ROBO1: variants seen among roughly 807,000 people sequenced by gnomAD.
ROBO1 encodes the protein roundabout homolog 1.
In ROBO1, 149 loss-of-function variants were observed where a neutral mutation model predicts 195.9. That is an observed-to-expected ratio of 0.76 (90% CI 0.67 to 0.87). The LOEUF (loss-of-function observed/expected upper bound fraction) is 0.87, where lower values mean the gene tolerates loss of function less well. Ranked by LOEUF, ROBO1 falls within the 40% of genes least tolerant of loss-of-function variation. The probability of loss-of-function intolerance (pLI) is 0.00; values close to 1 mark genes in which losing one functional copy is unlikely to be tolerated. For missense variants in ROBO1, 1,933 were observed against 2,068.3 expected (o/e 0.93, Z 1.27); for synonymous variants, 816 against 733.2 (o/e 1.11, Z -1.82).
intron 28 of ROBO1, among the ~76,000 whole-genome samples, chr3:78,608,201 G>A (rs1342047328): frequency 1.3e-5 from 2 of 151,978 alleles, no homozygotes; most frequent in East Asian, 1.9e-4. Flanking sequence ...TGCAGCCTCT[G>A]TCTCCCATCA....
chr3:79,278,635 A>T (rs1353978947), intron 2 of ROBO1, among the ~76,000 whole-genome samples: 1 of 152,188 alleles, frequency 6.6e-6, no homozygotes, highest in African/African-American at 2.4e-5. Context: ...CTGAACATTC[A>T]TATGCAGAAG....
chr3:79,445,714 T>A (rs982467005), intron 2 of ROBO1, among the ~76,000 whole-genome samples: 1 of 148,122 alleles, frequency 6.8e-6, no homozygotes. Flanking sequence ...CAGGCTGGAG[T>A]GCAGTGGCGC....
intron 2 of ROBO1, among the ~76,000 whole-genome samples, chr3:79,188,530 AC>A (rs2081481850): frequency 1.3e-5 from 2 of 151,838 alleles, no homozygotes; most frequent in Admixed American, 6.6e-5. Flanking sequence ...TTGGATGTAT[AC>A]ATGCACCTTT....
chr3:79,563,111 A>G (rs1337372024), intron 2 of ROBO1, among the ~76,000 whole-genome samples: 1 of 152,056 alleles, frequency 6.6e-6, no homozygotes, highest in African/African-American at 2.4e-5. Flanking sequence ...TCAAAGCATA[A>G]TCATCTATGA....
intron 1 of ROBO1, among the ~76,000 whole-genome samples, chr3:79,673,302 C>G (rs1316144221): frequency 6.6e-6 from 1 of 151,844 alleles, no homozygotes; most frequent in Non-Finnish European, 1.5e-5. Context: ...GAGGGTAAAA[C>G]ATGAATGTTT....
intron 10 of ROBO1, 29 bp downstream of exon 10, chr3:78,685,716 CA>C: frequency 1.3e-6 from 2 of 1,520,134 alleles, no homozygotes; most frequent in Non-Finnish European, 1.8e-6. Flanking sequence ...CAAACTTGGA[CA>C]TTTTGAAATA....
In ROBO1 at chr3:79,548,337, G is replaced by C. The variant is rs575100851; in HGVS notation, c.88+41487C>G. On this transcript the variant is annotated intron_variant, in intron 2 of 30. Transcript: ENST00000464233. Reference sequence around the variant, plus strand: ...AATGCTATGTTGAGTAACTATAAGAGGGAAGCATCCCACTCTTCAATCATT... The same window carrying C: ...AATGCTATGTTGAGTAACTATAAGACGGAAGCATCCCACTCTTCAATCATT... Among the ~76,000 whole-genome samples, 33 of 152,276 alleles carry C rather than the reference G, an allele frequency of 2.2e-4. 1 individual carries two copies. In the South Asian group the frequency reaches 6.8e-3, roughly 32 times the overall value.
chr3:78,711,373 TCCTTCCTTCCTTCCTTCCTTCCTTCC>T (rs1559773157), intron 8 of ROBO1, among the ~76,000 whole-genome samples: 6 of 26,204 alleles, frequency 2.3e-4, no homozygotes, highest in Non-Finnish European at 5.1e-4. Flanking sequence ...CTTCCTTCCT[TCCTTCCTTCCTTCCTTCCTTCCTTCC>T]TTTCTTTCTT....
chr3:79,644,156 T>C (rs755086761), intron 1 of ROBO1, among the ~76,000 whole-genome samples: 5 of 151,924 alleles, frequency 3.3e-5, no homozygotes, highest in Non-Finnish European at 7.4e-5. Context: ...TAAGAGGAAA[T>C]AAGAATTCTA....
chr3:79,573,664 C>T (rs1471158588), intron 2 of ROBO1, among the ~76,000 whole-genome samples: 1 of 152,046 alleles, frequency 6.6e-6, no homozygotes, highest in Non-Finnish European at 1.5e-5. Context: ...TGACAAATTA[C>T]CAACACATTC....
rs140033930 is a variant in ROBO1, at chr3:79,608,150, G to A, written c.-50-18189C>T. Among the ~76,000 whole-genome samples, 401 of 152,032 alleles carry A rather than the reference G, an allele frequency of 2.6e-3. 1 individual carries two copies. The highest frequency in any genetic ancestry group is 6.8e-3 in the Admixed American group (104 of 15,238). ...GTTACATGCATGTGCTTACAAGTTC[G>A]TCGTATGGAAATTTGGGTTATATTT... On this transcript the variant is annotated intron_variant, in intron 1 of 30. Coordinates refer to ENST00000464233, the MANE Select transcript of ROBO1 (RefSeq NM_002941.4).
chr3:79,176,713 G>GC (rs999151025), intron 2 of ROBO1, among the ~76,000 whole-genome samples: 23 of 152,198 alleles, frequency 1.5e-4, no homozygotes, highest in South Asian at 4.1e-4. Flanking sequence ...CCCCAGCTCG[G>GC]CCCCCCAAAG....
rs114221336 is a variant in ROBO1, at chr3:79,653,431, C to A, written c.-50-63470G>T. Among the ~76,000 whole-genome samples the A allele has an allele frequency of 7.1e-3, 1,081 of 151,848 alleles. 13 individuals carry two copies. Among genetic ancestry groups the A allele is most frequent in the African/African-American group, 0.025 (1,024 of 41,460 alleles). On this transcript the variant is annotated intron_variant, in intron 1 of 30. Coordinates refer to ENST00000464233, the MANE Select transcript of ROBO1 (RefSeq NM_002941.4). The stretch of plus-strand genomic sequence containing the variant: ...TCTCATATTTCACTGCCTTTTACTT[C>A]GAATAATAAAATGTTAATTTGTATT...
At chr3:78,777,389 T>C (rs1001718447) in intron 4 of ROBO1, among the ~76,000 whole-genome samples, 6 of 152,002 alleles carry the variant, frequency 3.9e-5, no homozygotes, top group African/African-American at 1.4e-4. Flanking sequence ...AAGTATGGGC[T>C]CATGAAGATG....
intron 2 of ROBO1, among the ~76,000 whole-genome samples, chr3:79,588,943 C>A (rs1022696780): frequency 6.6e-6 from 1 of 151,718 alleles, no homozygotes; most frequent in Non-Finnish European, 1.5e-5. Flanking sequence ...TTTTTGAAAT[C>A]TTTGATTTTG....
intron 2 of ROBO1, among the ~76,000 whole-genome samples, chr3:79,354,089 G>A (rs1403729501): frequency 6.6e-6 from 1 of 151,946 alleles, no homozygotes; most frequent in Non-Finnish European, 1.5e-5. Flanking sequence ...AGTTTAGGAA[G>A]GGCACTATAC....
At chr3:78,982,786 G>A (rs781392025) in intron 3 of ROBO1, among the ~76,000 whole-genome samples, 2 of 151,828 alleles carry the variant, frequency 1.3e-5, no homozygotes, top group Non-Finnish European at 2.9e-5. Flanking sequence ...GCACCAACAC[G>A]CCCAGCTAAT....
At chr3:79,354,452 A>G (rs1201202502) in intron 2 of ROBO1, among the ~76,000 whole-genome samples, 2 of 152,122 alleles carry the variant, frequency 1.3e-5, no homozygotes, top group African/African-American at 4.8e-5. Flanking sequence ...AGTATCCTTG[A>G]TTACTTTGTA....
At chr3:79,674,273 C>T (rs148208980) in intron 1 of ROBO1, among the ~76,000 whole-genome samples, 25 of 152,006 alleles carry the variant, frequency 1.6e-4, no homozygotes, top group African/African-American at 5.8e-4. Context: ...TAACCTTATA[C>T]GGTAATGTTT....
Sources: allele counts gnomAD v4.1 joint callset (sites outside exome capture counted in the v4.1 genomes callset), GRCh38; gene constraint gnomAD v4.1.1; transcripts MANE v1.5; gene names NCBI Gene and HGNC (gene_info 2026-07-23, HGNC 2026-07-21).